The following MOB3B variants were observed in gnomAD, a reference collection of about 807,000 sequenced individuals.
MOB3B encodes the protein MOB kinase activator 3B.
In MOB3B, 7 loss-of-function variants were observed where a neutral mutation model predicts 18.7. That is an observed-to-expected ratio of 0.37 (90% confidence interval 0.21 to 0.70). The LOEUF (loss-of-function observed/expected upper bound fraction) is 0.70. Among genes scored for constraint, MOB3B ranks in the 30% least tolerant of loss-of-function variants. The probability of loss-of-function intolerance (pLI) is 0.52; values close to 1 mark genes in which losing one functional copy is unlikely to be tolerated. For missense variants in MOB3B, 253 were observed against 281.3 expected (o/e 0.90, Z 0.72); for synonymous variants, 111 against 99.9 (o/e 1.11, Z -0.66).
intron 2 of MOB3B, among the ~76,000 whole-genome samples, chr9:27,407,653 T>C (rs1822002677): frequency 1.3e-5 from 2 of 152,164 alleles, no homozygotes; most frequent in South Asian, 4.1e-4. Flanking sequence ...TCCCCACCCA[T>C]GCAGACTTCC....
chr9:27,346,995 C>T (rs897455299), intron 3 of MOB3B, among the ~76,000 whole-genome samples: 3 of 151,774 alleles, frequency 2.0e-5, no homozygotes, highest in Non-Finnish European at 4.4e-5. Context: ...GACTCTATCT[C>T]AAAATAAAAT....
intron 1 of MOB3B, among the ~76,000 whole-genome samples, chr9:27,492,735 C>G (rs912468737): frequency 3.9e-5 from 6 of 152,144 alleles, no homozygotes; most frequent in Admixed American, 2.6e-4. Context: ...TGTCATGAAG[C>G]TGACAGATAA....
intron 2 of MOB3B, among the ~76,000 whole-genome samples, chr9:27,445,003 C>A (rs913324624): frequency 1.3e-5 from 2 of 152,044 alleles, no homozygotes; most frequent in Non-Finnish European, 2.9e-5. Context: ...AAAATTATTT[C>A]TTTTCTGAGA....
intron 1 of MOB3B, among the ~76,000 whole-genome samples, chr9:27,467,124 TA>T (rs911136958): frequency 2.8e-4 from 42 of 151,398 alleles, no homozygotes; most frequent in African/African-American, 7.3e-4. Context: ...AATAACAAGT[TA>T]AAAAAAAAGT....
chr9:27,451,775 G>C (rs746078732), intron 2 of MOB3B, among the ~76,000 whole-genome samples: 2 of 152,160 alleles, frequency 1.3e-5, no homozygotes, highest in Non-Finnish European at 2.9e-5. Context: ...TACCCTGACA[G>C]ACATCTTGAT....
At chr9:27,346,336 A>G (rs1228015697) in intron 3 of MOB3B, among the ~76,000 whole-genome samples, 1 of 152,220 alleles carries the variant, frequency 6.6e-6, no homozygotes, top group East Asian at 1.9e-4. Context: ...TGGTCTAGGA[A>G]AGGCTGTATC....
intron 1 of MOB3B, among the ~76,000 whole-genome samples, chr9:27,486,155 C>T (rs994051269): frequency 2.6e-5 from 4 of 152,134 alleles, no homozygotes; most frequent in East Asian, 1.9e-4. Flanking sequence ...GAGCTAGTTT[C>T]GATGGTGGAC....
intron 1 of MOB3B, among the ~76,000 whole-genome samples, chr9:27,479,306 A>G (rs577113463): frequency 6.6e-6 from 1 of 152,230 alleles, no homozygotes; most frequent in African/African-American, 2.4e-5. Flanking sequence ...CTCCTACTAC[A>G]ATGAACTTAC....
At chr9:27,509,020 C>T (rs1263355924) in intron 1 of MOB3B, among the ~76,000 whole-genome samples, 2 of 152,134 alleles carry the variant, frequency 1.3e-5, no homozygotes, top group African/African-American at 2.4e-5. Flanking sequence ...CGATGTCTGC[C>T]GTGGCATTAT....
chr9:27,338,221 A>G (rs74779634), intron 3 of MOB3B, among the ~76,000 whole-genome samples: 3,456 of 152,102 alleles, frequency 0.023, 99 homozygotes, highest in East Asian at 0.081. Flanking sequence ...ATCTTTGCAC[A>G]CTTGTTCCTT....
At chr9:27,476,956 A>C (rs892225380) in intron 1 of MOB3B, among the ~76,000 whole-genome samples, 2 of 152,166 alleles carry the variant, frequency 1.3e-5, no homozygotes, top group African/African-American at 4.8e-5. Flanking sequence ...CTCTTGAAAC[A>C]GCACAGCCCT....
At chr9:27,337,147 C>T (rs1176694535) in intron 3 of MOB3B, among the ~76,000 whole-genome samples, 1 of 152,300 alleles carries the variant, frequency 6.6e-6, no homozygotes, top group African/African-American at 2.4e-5. Flanking sequence ...TCTGGCTGGG[C>T]TGGGGGTGGA....
At chr9:27,377,139 T>C (rs967516561) in intron 2 of MOB3B, among the ~76,000 whole-genome samples, 6 of 152,242 alleles carry the variant, frequency 3.9e-5, no homozygotes, top group African/African-American at 1.4e-4. Context: ...TTCCAAAAGG[T>C]AGAACTTGAT....
intron 1 of MOB3B, among the ~76,000 whole-genome samples, chr9:27,473,849 A>G (rs1234552024): frequency 6.6e-6 from 1 of 152,172 alleles, no homozygotes; most frequent in Non-Finnish European, 1.5e-5. Flanking sequence ...AATAGACTAC[A>G]TGTGTTCAAA....
intron 2 of MOB3B, among the ~76,000 whole-genome samples, chr9:27,429,021 ACTC>A (rs1822380168): frequency 6.6e-6 from 1 of 152,166 alleles, no homozygotes; most frequent in Non-Finnish European, 1.5e-5. Flanking sequence ...TTGGTTCTTG[ACTC>A]ATACATACTT....
rs115604202 is a variant in MOB3B, at chr9:27,454,028, C to A, written c.418+1105G>T. Among the ~76,000 whole-genome samples, 918 of 152,294 alleles carry A rather than the reference C, an allele frequency of 6.0e-3. 7 individuals are homozygous for A. Among genetic ancestry groups the A allele is most frequent in the African/African-American group, 0.021 (873 of 41,554 alleles). ...TAGGAGAGAGAGAAGTATGAGGGAA[C>A]TGGACAAGCCAAAGCAACACCAAGA... On this transcript the variant is annotated intron_variant, in intron 2 of 3. Coordinates refer to ENST00000262244, the MANE Select transcript of MOB3B (RefSeq NM_024761.5).
In MOB3B at chr9:27,473,635, C is replaced by G. The variant is rs1372491632; in HGVS notation, c.-198-17887G>C. Reference sequence around the variant, plus strand: ...CACCTTCTCCAACCAAGAGGTCAGCCCCAAACAGGGGATGTTGGTGATGGA... The same window carrying G: ...CACCTTCTCCAACCAAGAGGTCAGCGCCAAACAGGGGATGTTGGTGATGGA... On this transcript the variant is annotated intron_variant, in intron 1 of 3. Coordinates refer to ENST00000262244, the MANE Select transcript of MOB3B (RefSeq NM_024761.5). Among the ~76,000 whole-genome samples the G allele has an allele frequency of 2.0e-5, 3 of 152,026 alleles. No homozygotes were observed. In the East Asian group the frequency reaches 5.8e-4, roughly 29 times the overall value.
intron 2 of MOB3B, among the ~76,000 whole-genome samples, chr9:27,366,014 GT>G (rs1261417269): frequency 6.6e-6 from 1 of 152,216 alleles, no homozygotes; most frequent in East Asian, 1.9e-4. Context: ...CAAGACTAGA[GT>G]TTTCTGAGCA....
intron 2 of MOB3B, among the ~76,000 whole-genome samples, chr9:27,383,691 G>C (rs1821611555): frequency 6.6e-6 from 1 of 152,144 alleles, no homozygotes; most frequent in Non-Finnish European, 1.5e-5. Context: ...CCAGTAGGCT[G>C]GTGCCTTTAA....
Sources: allele counts gnomAD v4.1 joint callset (sites outside exome capture counted in the v4.1 genomes callset), GRCh38; gene constraint gnomAD v4.1.1; transcripts MANE v1.5; gene names NCBI Gene and HGNC (gene_info 2026-07-23, HGNC 2026-07-21).